The following MACROD2 variants were observed in gnomAD, a reference collection of about 807,000 sequenced individuals.
MACROD2 encodes ADP-ribose glycohydrolase MACROD2.
In MACROD2, 36 loss-of-function variants were observed where a neutral mutation model predicts 70.4. The observed-to-expected ratio is 0.51, with a 90% CI of 0.39 to 0.68. The LOEUF (loss-of-function observed/expected upper bound fraction) is 0.68, where lower values mean the gene tolerates loss of function less well. Among genes scored for constraint, MACROD2 ranks in the 30% least tolerant of loss-of-function variants. The pLI is 0.00. For missense variants in MACROD2, 496 were observed against 538.4 expected, an observed-to-expected ratio of 0.92 and a Z score of 0.78; for synonymous variants, 172 against 178.8, an observed-to-expected ratio of 0.96 and a Z score of 0.30.
chr20:14,060,030 G>A (rs2053674490), intron 2 of MACROD2, among the ~76,000 whole-genome samples: 2 of 152,174 alleles, frequency 1.3e-5, no homozygotes, highest in African/African-American at 2.4e-5. Context: ...CGACCCTTAC[G>A]TGCTTATGAT....
intron 3 of MACROD2, among the ~76,000 whole-genome samples, chr20:14,200,392 T>C (rs555666100): frequency 6.6e-6 from 1 of 152,134 alleles, no homozygotes; most frequent in Non-Finnish European, 1.5e-5. Flanking sequence ...GGTTGGGATG[T>C]TGGGATGAGG....
chr20:15,434,983 G>A (rs2046409778), intron 7 of MACROD2, among the ~76,000 whole-genome samples: 1 of 152,108 alleles, frequency 6.6e-6, no homozygotes, highest in African/African-American at 2.4e-5. Flanking sequence ...AGGATGCAAA[G>A]GCATAAGAAT....
chr20:14,468,821 C>G (rs2084491756), intron 3 of MACROD2, among the ~76,000 whole-genome samples: 1 of 152,014 alleles, frequency 6.6e-6, no homozygotes, highest in African/African-American at 2.4e-5. Context: ...CTATGTGTGT[C>G]ATTACATGTG....
rs542507622 is a variant in MACROD2, at chr20:15,141,276, G to A, written c.419-88664G>A. 2.0e-4 allele frequency among the ~76,000 whole-genome samples: 30 copies of A among 152,142 alleles called. No homozygotes were observed. The East Asian group carries it at 5.6e-3, about 28-fold the overall frequency. ...GCATGTAGAATTTACATGCATTCAG[G>A]CACTAGCATACATACATATAGATAT... On this transcript the variant is annotated intron_variant, in intron 5 of 17. Coordinates refer to ENST00000684519, the MANE Select transcript of MACROD2 (RefSeq NM_001351661.2).
chr20:15,656,756 A>G (rs1283354088), intron 8 of MACROD2, among the ~76,000 whole-genome samples: 2 of 152,200 alleles, frequency 1.3e-5, no homozygotes. Flanking sequence ...GATGCTCCCA[A>G]ATAACTAACT....
At chr20:14,250,314 C>T (rs2082001427) in intron 3 of MACROD2, among the ~76,000 whole-genome samples, 1 of 152,020 alleles carries the variant, frequency 6.6e-6, no homozygotes, top group South Asian at 2.1e-4. Flanking sequence ...TTGTATTTCT[C>T]CTCACCTCCC....
intron 5 of MACROD2, among the ~76,000 whole-genome samples, chr20:15,121,560 CG>C (rs1245712359): frequency 1.3e-5 from 2 of 150,542 alleles, no homozygotes; most frequent in African/African-American, 4.9e-5. Flanking sequence ...CCTAAGGAGA[CG>C]GGTAGGTCAG....
intron 2 of MACROD2, among the ~76,000 whole-genome samples, chr20:14,066,310 T>A (rs916622690): frequency 6.6e-6 from 1 of 152,190 alleles, no homozygotes; most frequent in Non-Finnish European, 1.5e-5. Context: ...TATTGGGCAT[T>A]TACTATATAT....
rs117869237 is a variant in MACROD2 at position 14,984,746 on chromosome 20, C to T, written c.419-245194C>T. Reference sequence around the variant, plus strand: ...ACACATCAAGAAAATAAGAATGAAGCACTGAAGTCAGAGATCTGTGGGGAC... The same window carrying T: ...ACACATCAAGAAAATAAGAATGAAGTACTGAAGTCAGAGATCTGTGGGGAC... On this transcript the variant is annotated intron_variant, in intron 5 of 17. Coordinates refer to ENST00000684519, the MANE Select transcript of MACROD2 (RefSeq NM_001351661.2). Among the ~76,000 whole-genome samples the T allele has an allele frequency of 2.4e-3, 359 of 152,202 alleles. 9 individuals carry two copies. In the East Asian group the frequency reaches 0.051, roughly 22 times the overall value.
intron 8 of MACROD2, among the ~76,000 whole-genome samples, chr20:15,558,103 C>T (rs772197525): frequency 6.6e-6 from 1 of 152,202 alleles, no homozygotes; most frequent in African/African-American, 2.4e-5. Context: ...AGGTAAGACA[C>T]TCAGGGTTTC....
At chr20:14,864,558 G>T (rs1175029715) in intron 5 of MACROD2, among the ~76,000 whole-genome samples, 1 of 152,058 alleles carries the variant, frequency 6.6e-6, no homozygotes, top group African/African-American at 2.4e-5. Flanking sequence ...ATAGTTGTTA[G>T]ATAACTAATA....
chr20:14,416,643 G>A (rs925593078), intron 3 of MACROD2, among the ~76,000 whole-genome samples: 2 of 152,222 alleles, frequency 1.3e-5, no homozygotes, highest in East Asian at 1.9e-4. Context: ...TTATAAGCAC[G>A]TCTTTCTTTT....
rs140287054 is a variant in MACROD2 at position 16,036,703 on chromosome 20, C to T, written c.1154-4498C>T. ...TAGGGCATCCAGTTGCACTGCCCAGCGATGTAGAAGCTATTAGGATAGTAC... is the reference window on the plus strand; with the variant it reads ...TAGGGCATCCAGTTGCACTGCCCAGTGATGTAGAAGCTATTAGGATAGTAC... On this transcript the variant is annotated intron_variant, in intron 15 of 17. Coordinates refer to ENST00000684519, the MANE Select transcript of MACROD2 (RefSeq NM_001351661.2). Among the ~76,000 whole-genome samples the T allele has an allele frequency of 2.0e-3, 310 of 152,036 alleles. 1 individual carries two copies. Among genetic ancestry groups the T allele is most frequent in the African/African-American group, 6.7e-3 (276 of 41,498 alleles).
intron 5 of MACROD2, among the ~76,000 whole-genome samples, chr20:14,725,770 A>T (rs1159400635): frequency 6.6e-6 from 1 of 152,120 alleles, no homozygotes; most frequent in Admixed American, 6.6e-5. Flanking sequence ...GAGGACATAG[A>T]TGTATTCATC....
Position 15,047,674 on chromosome 20 carries a change from G to A in MACROD2, c.419-182266G>A, listed in dbSNP as rs558015275. On this transcript the variant is annotated intron_variant, in intron 5 of 17. Transcript: ENST00000684519. ...CCAATTCTGGGTATATGGTAAGACT[G>A]CATTTACTGGAGCTCTTCTGATTGG... Among the ~76,000 whole-genome samples, 7 of 152,256 alleles carry A rather than the reference G, an allele frequency of 4.6e-5. No homozygotes were observed. In the South Asian group the frequency reaches 1.5e-3, roughly 32 times the overall value.
intron 3 of MACROD2, among the ~76,000 whole-genome samples, chr20:14,098,669 A>G (rs1407207776): frequency 6.6e-6 from 1 of 152,192 alleles, no homozygotes. Flanking sequence ...TTTGTTCAGT[A>G]AAACTGAAAT....
At chr20:14,207,750 A>G (rs8119003) in intron 3 of MACROD2, among the ~76,000 whole-genome samples, 3,701 of 152,318 alleles carry the variant, frequency 0.024, 60 homozygotes, top group Middle Eastern at 0.051. Flanking sequence ...ATATAACTTT[A>G]GGCAGTAAGT....
chr20:15,865,666 A>C (rs879763055), intron 9 of MACROD2, among the ~76,000 whole-genome samples: 3 of 152,204 alleles, frequency 2.0e-5, no homozygotes, highest in Non-Finnish European at 4.4e-5. Context: ...TATGTATGTC[A>C]GGGGAGACAC....
intron 3 of MACROD2, among the ~76,000 whole-genome samples, chr20:14,112,699 T>C (rs6042538): frequency 0.014 from 2,205 of 152,072 alleles, 51 homozygotes; most frequent in African/African-American, 0.05. Context: ...ATTCATTTTC[T>C]CCTATTGTCT....
Sources: gnomAD v4.1 joint callset for allele counts (sites outside exome capture counted in the v4.1 genomes callset) on GRCh38, gnomAD v4.1.1 for gene constraint, MANE v1.5 for transcripts, NCBI Gene and HGNC (gene_info 2026-07-23, HGNC 2026-07-21) for gene names.